Variants in ZNF268 observed in about 807,000 individuals in gnomAD.
The protein encoded by ZNF268 is zinc finger protein 3.
In ZNF268, 20 loss-of-function variants were observed where a neutral mutation model predicts 29.3. The ratio of observed to expected loss-of-function variants is 0.68; its 90% CI spans 0.48 to 0.99. The LOEUF is 0.99. Among genes scored for constraint, ZNF268 ranks in the 50% least tolerant of loss-of-function variants. The probability of loss-of-function intolerance (pLI) is 0.00; values close to 1 mark genes in which losing one functional copy is unlikely to be tolerated. For missense variants in ZNF268, 1,240 were observed against 1,121.6 expected (o/e 1.11, Z -1.51); for synonymous variants, 429 against 376.9 (o/e 1.14, Z -1.60).
In ZNF268 at chr12:133,203,698, G is replaced by A. The variant is rs895288463; in HGVS notation, c.2012G>A (p.Ser671Asn). 1.9e-6 allele frequency: 3 copies of A among 1,546,872 alleles called. No individual in the cohort carries two copies. The highest frequency in any genetic ancestry group is 2.6e-6 in the Non-Finnish European group (3 of 1,151,942). The stretch of plus-strand genomic sequence containing the variant: ...ACTGGAGTAAAACCCTATGGATGCA[G>A]TCAATGTGCAAAAACCTTTAGTTTG... ...VHTGVKPYGC[S>N]QCAKTFSLKS... The change falls in exon 6 of 6, where the codon AGT becomes AAT. Residue 671 changes from serine to asparagine, a missense_variant. By Grantham distance (46) the Ser-to-Asn change is conservative (BLOSUM62 1). Around this residue, in one of 3 missense-constraint regions of ZNF268, gnomAD observed 1,177 missense variants for 1,039.6 expected, o/e 1.13. Coordinates refer to ENST00000536435, the MANE Select transcript of ZNF268 (RefSeq NM_003415.3).
rs559773039 is a variant in ZNF268, at chr12:133,204,000, C to T, written c.2314C>T (p.Arg772Ter). 108 of 1,580,082 alleles carry T rather than the reference C, an allele frequency of 6.8e-5. 1 individual carries two copies. The highest frequency in any genetic ancestry group is 4.7e-4 in the South Asian group (41 of 87,580). ...NRKDQLISHQ[R>*]THAGEKPYGC... ...GAAAGACCAGCTCATTTCACATCAG[C>T]GAACTCATGCAGGGGAAAAGCCTTA... is the stretch of plus-strand genomic sequence containing the variant. The change falls in exon 6 of 6, where the codon CGA becomes TGA. Residue 772 changes from arginine to a stop codon, truncating the protein, a stop_gained. Coordinates refer to ENST00000536435, the MANE Select transcript of ZNF268 (RefSeq NM_003415.3). LOFTEE classifies it low-confidence loss of function (END_TRUNC).
intron 5 of ZNF268, among the ~76,000 whole-genome samples, chr12:133,196,960 C>CTT (rs142022636): frequency 7.3e-6 from 1 of 136,948 alleles, no homozygotes; most frequent in Non-Finnish European, 1.6e-5. Context: ...GCTCTGCTTT[C>CTT]TTTTTTTTTT....
chr12:133,182,911 A>G (rs1443459492), intron 2 of ZNF268, among the ~76,000 whole-genome samples: 2 of 152,034 alleles, frequency 1.3e-5, no homozygotes, highest in South Asian at 4.1e-4. Context: ...GTGGTCCCCA[A>G]CCCCCACGCT....
intron 5 of ZNF268, among the ~76,000 whole-genome samples, chr12:133,199,101 C>G (rs1956687975): frequency 6.6e-6 from 1 of 152,104 alleles, no homozygotes; most frequent in Admixed American, 6.6e-5. Flanking sequence ...AGAGAGCATC[C>G]CTGTCTTGTG....
chr12:133,204,010 C>T lies in ZNF268; in HGVS notation c.2324C>T (p.Ala775Val), dbSNP rs1371674625. 1.3e-6 allele frequency: 2 copies of T among 1,578,504 alleles called. No homozygotes were observed. Among genetic ancestry groups the T allele is most frequent in the Admixed American group, 1.8e-5 (1 of 54,840 alleles). ...CTCATTTCACATCAGCGAACTCATG[C>T]AGGGGAAAAGCCTTATGGGTGCAGT... ...DQLISHQRTH[A>V]GEKPYGCSEC... Residue 775 changes from alanine to valine, a missense_variant, in exon 6 of 6, where the codon GCA becomes GTA. Coordinates refer to ENST00000536435, the MANE Select transcript of ZNF268 (RefSeq NM_003415.3).
At position 133,207,102 on chromosome 12, in the gene ZNF268, C is replaced by T. The variant is rs555427361; in HGVS notation, c.*2572C>T. The T allele has an allele frequency of 3.3e-5, 5 of 152,206 alleles. No homozygotes were observed. The highest frequency in any genetic ancestry group is 4.1e-4 in the South Asian group (2 of 4,824). 9.4% of individuals were successfully genotyped at this position (152,206 alleles called of 1,614,324 possible). Reference sequence around the variant, plus strand: ...ATTATTTAATGAAATGAAAATTTTACAAAACAGAAATTGAGTTACTGGTTT... The same window carrying T: ...ATTATTTAATGAAATGAAAATTTTATAAAACAGAAATTGAGTTACTGGTTT... On this transcript the variant is annotated 3_prime_UTR_variant, in exon 6 of 6. Coordinates refer to ENST00000536435, the MANE Select transcript of ZNF268 (RefSeq NM_003415.3).
chr12:133,203,082 C>A lies in ZNF268; in HGVS notation c.1396C>A (p.His466Asn). The A allele has an allele frequency of 6.5e-7, 1 of 1,537,722 alleles. No individual in the cohort carries two copies. The highest frequency in any genetic ancestry group is 8.7e-7 in the Non-Finnish European group (1 of 1,146,942). Residue 466 changes from histidine (H) to asparagine (N), a missense_variant, in exon 6 of 6, where the codon CAC (histidine) becomes AAC (asparagine). Transcript: ENST00000536435. ...KSQLIVHQGI[H>N]TGVKPYGCIQ... ...ACAGCTCATTGTACATCAGGGGATT[C>A]ACACAGGAGTAAAGCCCTATGGGTG...
chr12:133,192,212 A>G (rs1046040647), intron 5 of ZNF268, among the ~76,000 whole-genome samples: 9 of 150,834 alleles, frequency 6.0e-5, no homozygotes, highest in African/African-American at 1.2e-4. Flanking sequence ...GGTTCAAGCA[A>G]TTCTTCCGTG....
intron 2 of ZNF268, among the ~76,000 whole-genome samples, 163 bp from the exon 3 acceptor site, chr12:133,187,709 G>A (rs1424046628): frequency 6.6e-6 from 1 of 152,118 alleles, no homozygotes; most frequent in Non-Finnish European, 1.5e-5. Flanking sequence ...GCTAAGCCTT[G>A]TCAGGAAGCC....
In ZNF268 at chr12:133,205,508, A is replaced by G. The variant is rs1015698216; in HGVS notation, c.*978A>G. On this transcript the variant is annotated 3_prime_UTR_variant, in exon 6 of 6. Coordinates refer to ENST00000536435, the MANE Select transcript of ZNF268 (RefSeq NM_003415.3). ...GATTTCAGTATCTCTGATACTGACA[A>G]TATCTCTGATATGACAATATCATCT... The G allele has an allele frequency of 6.6e-6, 1 of 152,116 alleles. No homozygotes were observed. The highest frequency in any genetic ancestry group is 1.5e-5 in the Non-Finnish European group (1 of 68,000). The allele number at this position is 152,116 out of a possible 1,614,324, so 9.4% of individuals were successfully genotyped here.
intron 5 of ZNF268, among the ~76,000 whole-genome samples, chr12:133,194,900 A>G (rs56336458): frequency 0.14 from 11,869 of 87,226 alleles, 1,352 homozygotes; most frequent in African/African-American, 0.19. Context: ...GCTGCAACCC[A>G]TATGTTGGTT....
At position 133,213,002 on chromosome 12, in the gene ZNF268, A is replaced by G. The variant is rs1957009585; in HGVS notation, c.*8472A>G. 1 of 152,180 alleles carries G rather than the reference A, an allele frequency of 6.6e-6. No individual in the cohort carries two copies. The highest frequency in any genetic ancestry group is 2.4e-5 in the African/African-American group (1 of 41,438). The allele number at this position is 152,180 out of a possible 1,614,324, so 9.4% of individuals were successfully genotyped here. A position where few individuals can be genotyped will look rare whatever the true frequency, so the allele number is the denominator to read the frequency against. On this transcript the variant is annotated 3_prime_UTR_variant, in exon 6 of 6. Coordinates refer to ENST00000536435, the MANE Select transcript of ZNF268 (RefSeq NM_003415.3). ...GTAGCTGGGATTACAGGCATGTGCC[A>G]CCATGTATGGCTATTTTTTGTATTT... is the stretch of plus-strand genomic sequence containing the variant.
chr12:133,204,762 T>G lies in ZNF268; in HGVS notation c.*232T>G, dbSNP rs1956857184. 2.4e-6 allele frequency: 1 copy of G among 425,202 alleles called. No homozygotes were observed. The highest frequency in any genetic ancestry group is 3.9e-5 in the Admixed American group (1 of 25,348). 26.3% of individuals were successfully genotyped at this position (425,202 alleles called of 1,614,324 possible). On this transcript the variant is annotated 3_prime_UTR_variant, in exon 6 of 6. Transcript: ENST00000536435. Reference sequence around the variant, plus strand: ...AATTTAGTAACCACTCTGAAAATTTTTAGCAGCAAGTCATACCTTTTTTTA... The same window carrying G: ...AATTTAGTAACCACTCTGAAAATTTGTAGCAGCAAGTCATACCTTTTTTTA...
rs1335698196 is a variant in ZNF268 at position 133,210,256 on chromosome 12, T to C, written c.*5726T>C. 1 of 154,782 alleles carries C rather than the reference T, an allele frequency of 6.5e-6. No homozygotes were observed. The highest frequency in any genetic ancestry group is 2.4e-5 in the African/African-American group (1 of 41,478). 9.6% of individuals were successfully genotyped at this position (154,782 alleles called of 1,614,324 possible). ...GGTGTACCCTACAGGAGTCTTCAGATATGGAAGCTCTGGATCTCACTGTGA... is the reference window on the plus strand; with the variant it reads ...GGTGTACCCTACAGGAGTCTTCAGACATGGAAGCTCTGGATCTCACTGTGA... On this transcript the variant is annotated 3_prime_UTR_variant, in exon 6 of 6. Transcript: ENST00000536435.
At chr12:133,190,462 G>T (rs1956437797) in intron 3 of ZNF268, among the ~76,000 whole-genome samples, 2 of 152,172 alleles carry the variant, frequency 1.3e-5, no homozygotes, top group African/African-American at 4.8e-5. Context: ...CCAGCATTTG[G>T]TGGTCAGTTT....
At chr12:133,195,783 T>C (rs1956577755) in intron 5 of ZNF268, among the ~76,000 whole-genome samples, 1 of 151,744 alleles carries the variant, frequency 6.6e-6, no homozygotes, top group Admixed American at 6.6e-5. Flanking sequence ...AGTGGTGCGA[T>C]CTCGACTCAC....
chr12:133,213,988 CAA>C lies in ZNF268; in HGVS notation c.*9469_*9470del, dbSNP rs373025293. On this transcript the variant is annotated 3_prime_UTR_variant, in exon 6 of 6. Transcript: ENST00000536435. ...TGGGCGACAGAGCGAGACTCCGTCT[CAA>C]AAAAAAAAAAGGTGAATATAGGAGA... The C allele has an allele frequency of 0.096, 13,988 of 146,248 alleles. 1,187 individuals are homozygous for C. Among genetic ancestry groups the C allele is most frequent in the African/African-American group, 0.24 (9,544 of 40,294 alleles). The allele number at this position is 146,248 out of a possible 1,614,324, so 9.1% of individuals were successfully genotyped here. A position where few individuals can be genotyped will look rare whatever the true frequency, so the allele number is the denominator to read the frequency against.
At chr12:133,181,838 G>A in intron 1 of ZNF268, 108 bp from the exon 2 acceptor site, 2 of 709,522 alleles carry the variant, frequency 2.8e-6, no homozygotes, top group Non-Finnish European at 4.9e-6. Context: ...TGGGAGGGAA[G>A]GAGCCTCAGC....
Position 133,204,351 on chromosome 12 carries a change from G to T in ZNF268, c.2665G>T (p.Glu889Ter). The change falls in exon 6 of 6, where the codon GAG (glutamate) becomes TAG (stop). Residue 889 changes from glutamate to a stop codon, truncating the protein, a stop_gained. Coordinates refer to ENST00000536435, the MANE Select transcript of ZNF268 (RefSeq NM_003415.3). LOFTEE classifies it high-confidence loss of function. Reference protein sequence around the residue: ...LIVHQRTHSGEKPYGCNECGK... With the variant: ...LIVHQRTHSG ...TGTACATCAAAGAACTCATTCAGGA[G>T]AGAAACCCTATGGGTGCAATGAATG... 6.4e-7 allele frequency: 1 copy of T among 1,570,282 alleles called. No individual in the cohort carries two copies.
Sources: allele counts gnomAD v4.1 joint callset (sites outside exome capture counted in the v4.1 genomes callset), GRCh38; gene constraint gnomAD v4.1.1; regional missense constraint gnomAD v4.1.1; transcripts MANE v1.5; gene names NCBI Gene and HGNC (gene_info 2026-07-23, HGNC 2026-07-21).